Variants in SDCCAG8 observed in about 807,000 individuals in gnomAD.
The protein encoded by SDCCAG8 is SHH signaling and ciliogenesis regulator SDCCAG8.
SDCCAG8 carries 74 observed loss-of-function variants against 101.8 expected under a neutral mutation model. The observed-to-expected ratio is 0.73, with a 90% CI of 0.60 to 0.88. SDCCAG8 has a LOEUF of 0.88. Among genes scored for constraint, SDCCAG8 ranks in the 40% least tolerant of loss-of-function variants. The pLI, the probability that SDCCAG8 is intolerant of heterozygous loss-of-function variation, is 0.00. For missense variants in SDCCAG8, 787 were observed against 822.6 expected, an observed-to-expected ratio of 0.96 and a Z score of 0.53; for synonymous variants, 281 against 292.9, an observed-to-expected ratio of 0.96 and a Z score of 0.41.
chr1:243,326,147 T>C (rs1360004454), intron 9 of SDCCAG8, among the ~76,000 whole-genome samples: 1 of 152,198 alleles, frequency 6.6e-6, no homozygotes, highest in African/African-American at 2.4e-5. Flanking sequence ...CATAACAACT[T>C]GAACAAAGTA....
At chr1:243,300,570 C>T (rs1217419685) in intron 6 of SDCCAG8, among the ~76,000 whole-genome samples, 2 of 152,096 alleles carry the variant, frequency 1.3e-5, no homozygotes, top group Non-Finnish European at 2.9e-5. Flanking sequence ...CTTCTTGTGG[C>T]CCACCTTTAC....
At chr1:243,498,144 C>CCAGT (rs1444904303) in intron 17 of SDCCAG8, among the ~76,000 whole-genome samples, 1 of 152,232 alleles carries the variant, frequency 6.6e-6, no homozygotes, top group African/African-American at 2.4e-5. Context: ...GCCATTCAAA[C>CCAGT]CAGTCATTTA....
chr1:243,469,179 C>T (rs897592497), intron 16 of SDCCAG8, among the ~76,000 whole-genome samples: 1 of 152,150 alleles, frequency 6.6e-6, no homozygotes, highest in Admixed American at 6.5e-5. Flanking sequence ...AGTTTCTTGA[C>T]TTTATTAACG....
At chr1:243,282,409 A>G (rs992386895) in intron 4 of SDCCAG8, among the ~76,000 whole-genome samples, 1 of 152,206 alleles carries the variant, frequency 6.6e-6, no homozygotes, top group Non-Finnish European at 1.5e-5. Flanking sequence ...TAAAATTACT[A>G]CAAACACTAT....
At chr1:243,311,588 A>G (rs2072729866) in intron 8 of SDCCAG8, among the ~76,000 whole-genome samples, 1 of 152,130 alleles carries the variant, frequency 6.6e-6, no homozygotes, top group South Asian at 2.1e-4. Flanking sequence ...AGTTGCAAAT[A>G]AAAAGAGGCA....
At chr1:243,450,807 C>T (rs1036075519) in intron 16 of SDCCAG8, among the ~76,000 whole-genome samples, 6 of 152,156 alleles carry the variant, frequency 3.9e-5, no homozygotes, top group Admixed American at 6.5e-5. Flanking sequence ...TATAGGTGTG[C>T]GCCACCACGC....
At chr1:243,371,221 T>G (rs2077270808) in intron 12 of SDCCAG8, among the ~76,000 whole-genome samples, 1 of 152,134 alleles carries the variant, frequency 6.6e-6, no homozygotes, top group African/African-American at 2.4e-5. Context: ...CCAAGAGGTT[T>G]TAGAAGGCAG....
intron 16 of SDCCAG8, among the ~76,000 whole-genome samples, chr1:243,439,076 A>T (rs990903926): frequency 9.9e-5 from 15 of 152,230 alleles, no homozygotes; most frequent in African/African-American, 3.6e-4. Flanking sequence ...AGGGAATGGA[A>T]GGTGAGGCGT....
chr1:243,371,315 T>C (rs2077275649), intron 12 of SDCCAG8, among the ~76,000 whole-genome samples: 1 of 152,226 alleles, frequency 6.6e-6, no homozygotes, highest in Non-Finnish European at 1.5e-5. Context: ...TTATAGGACT[T>C]GAAATCAGAC....
intron 16 of SDCCAG8, among the ~76,000 whole-genome samples, chr1:243,479,782 T>A (rs1272643442): frequency 3.9e-5 from 6 of 152,134 alleles, no homozygotes; most frequent in Non-Finnish European, 8.8e-5. Flanking sequence ...GTTTTGATGA[T>A]GAAAATTGAA....
At chr1:243,388,670 G>A (rs922921017) in intron 13 of SDCCAG8, among the ~76,000 whole-genome samples, 6 of 146,094 alleles carry the variant, frequency 4.1e-5, no homozygotes, top group African/African-American at 1.5e-4. Context: ...AGACCAGTCT[G>A]AGCAACATAA....
At chr1:243,302,031 T>A (rs974806894) in intron 6 of SDCCAG8, among the ~76,000 whole-genome samples, 1 of 152,120 alleles carries the variant, frequency 6.6e-6, no homozygotes, top group Non-Finnish European at 1.5e-5. Flanking sequence ...GCGGATCACC[T>A]GAGGTCAGGA....
At chr1:243,482,642 G>T (rs931267893) in intron 16 of SDCCAG8, among the ~76,000 whole-genome samples, 25 of 152,184 alleles carry the variant, frequency 1.6e-4, no homozygotes, top group African/African-American at 6.0e-4. Context: ...GCTCCCTCAA[G>T]TGTCCTTCCT....
At chr1:243,439,622 T>TCACACCCACA (rs2082392034) in intron 16 of SDCCAG8, among the ~76,000 whole-genome samples, 1 of 120,146 alleles carries the variant, frequency 8.3e-6, no homozygotes, top group Non-Finnish European at 1.7e-5. Context: ...TGAGACTCCA[T>TCACACCCACA]CACACACACA....
intron 13 of SDCCAG8, among the ~76,000 whole-genome samples, chr1:243,406,124 A>G (rs2079766419): frequency 6.6e-6 from 1 of 152,244 alleles, no homozygotes; most frequent in Non-Finnish European, 1.5e-5. Flanking sequence ...GAAAGCCAAG[A>G]ATGCATAAAA....
chr1:243,431,584 C>T (rs982002852), intron 16 of SDCCAG8, among the ~76,000 whole-genome samples: 3 of 152,140 alleles, frequency 2.0e-5, no homozygotes, highest in Non-Finnish European at 4.4e-5. Context: ...AAATTTTCAA[C>T]TGGTGGTTTG....
chr1:243,353,553 A>G (rs1251726644), intron 12 of SDCCAG8, among the ~76,000 whole-genome samples: 1 of 148,774 alleles, frequency 6.7e-6, no homozygotes, highest in South Asian at 2.2e-4. Context: ...TAGAAGAAGA[A>G]ATTTATTTGG....
chr1:243,445,772 C>G (rs1224881868), intron 16 of SDCCAG8, among the ~76,000 whole-genome samples: 2 of 152,178 alleles, frequency 1.3e-5, no homozygotes. Context: ...CCTTGCCCAC[C>G]AAATCTTTTA....
intron 12 of SDCCAG8, among the ~76,000 whole-genome samples, chr1:243,375,392 A>G (rs1042140746): frequency 1.3e-5 from 2 of 152,144 alleles, no homozygotes; most frequent in African/African-American, 4.8e-5. Flanking sequence ...GGCAAATTTA[A>G]TCAACAATAA....
Sources: gnomAD v4.1 joint callset for allele counts (sites outside exome capture counted in the v4.1 genomes callset) on GRCh38, gnomAD v4.1.1 for gene constraint, MANE v1.5 for transcripts, NCBI Gene and HGNC (gene_info 2026-07-23, HGNC 2026-07-21) for gene names.